SLC44A5: variants seen among roughly 807,000 people sequenced by gnomAD.
SLC44A5 encodes the protein choline transporter-like protein 5.
SLC44A5 carries 57 observed loss-of-function variants against 101.8 expected under a neutral mutation model. That is an observed-to-expected ratio of 0.56 (90% CI 0.45 to 0.70). The LOEUF is 0.70. Among genes scored for constraint, SLC44A5 ranks in the 30% least tolerant of loss-of-function variants. The pLI is 0.00. For missense variants in SLC44A5, 737 were observed against 853.1 expected, an observed-to-expected ratio of 0.86 and a Z score of 1.70; for synonymous variants, 281 against 290.9, an observed-to-expected ratio of 0.97 and a Z score of 0.35.
intron 2 of SLC44A5, among the ~76,000 whole-genome samples, chr1:75,478,054 C>T (rs1354829278): frequency 2.6e-5 from 4 of 152,246 alleles, no homozygotes; most frequent in South Asian, 2.1e-4. Context: ...AGCGGATCTC[C>T]CGGCAGAAAC....
intron 3 of SLC44A5, among the ~76,000 whole-genome samples, chr1:75,388,158 A>G (rs1661514155): frequency 6.8e-6 from 1 of 146,632 alleles, no homozygotes; most frequent in Admixed American, 6.8e-5. Flanking sequence ...ACATGTATAC[A>G]TATGTAACTA....
intron 4 of SLC44A5, among the ~76,000 whole-genome samples, chr1:75,324,408 A>G (rs1345972073): frequency 6.6e-6 from 1 of 152,186 alleles, no homozygotes; most frequent in African/African-American, 2.4e-5. Context: ...ATTGCAAGCA[A>G]AGGAGGATGA....
At chr1:75,423,967 T>C (rs1490797688) in intron 2 of SLC44A5, among the ~76,000 whole-genome samples, 5 of 152,246 alleles carry the variant, frequency 3.3e-5, no homozygotes, top group Non-Finnish European at 5.9e-5. Context: ...GATGCCCCTA[T>C]GCCTCCGGAG....
At chr1:75,478,524 A>T (rs1667592018) in intron 2 of SLC44A5, among the ~76,000 whole-genome samples, 1 of 152,140 alleles carries the variant, frequency 6.6e-6, no homozygotes, top group African/African-American at 2.4e-5. Flanking sequence ...ATGCAGAGAC[A>T]CACATAGGCT....
intron 3 of SLC44A5, among the ~76,000 whole-genome samples, chr1:75,362,319 C>A (rs546238340): frequency 6.6e-6 from 1 of 151,542 alleles, no homozygotes; most frequent in Non-Finnish European, 1.5e-5. Context: ...TATTTTCTTC[C>A]TTCTACTAAC....
upstream of SLC44A5, among the ~76,000 whole-genome samples, chr1:75,614,957 G>C (rs369522929): frequency 2.8e-4 from 42 of 152,146 alleles, no homozygotes; most frequent in South Asian, 8.7e-3. Context: ...TCCGCGCTGC[G>C]GGAGCGGGTG....
At chr1:75,235,669 C>T (rs1648010383) in intron 11 of SLC44A5, among the ~76,000 whole-genome samples, 1 of 151,992 alleles carries the variant, frequency 6.6e-6, no homozygotes, top group Non-Finnish European at 1.5e-5. Flanking sequence ...ACACCACACA[C>T]TAGTATCTCA....
chr1:75,557,829 T>C (rs766361354), intron 1 of SLC44A5, among the ~76,000 whole-genome samples: 51 of 152,150 alleles, frequency 3.4e-4, no homozygotes, highest in Admixed American at 8.5e-4. Flanking sequence ...TAAAATATTA[T>C]GTGAGTGTTA....
rs529469469 is a variant in SLC44A5, at chr1:75,470,775, G to A, written c.13+70660C>T. Among the ~76,000 whole-genome samples the A allele has an allele frequency of 6.3e-4, 96 of 152,200 alleles. 1 individual carries two copies. The South Asian group carries it at 7.1e-3, about 11-fold the overall frequency. On this transcript the variant is annotated intron_variant, in intron 2 of 23. Coordinates refer to ENST00000370859, the MANE Select transcript of SLC44A5 (RefSeq NM_001130058.2). The stretch of plus-strand genomic sequence containing the variant: ...CTGAGATAAGTATGGTGGGAGGGTT[G>A]GGAGGGGCTGTCCAGGTGGAGAGAT...
In SLC44A5 at chr1:75,308,701, T is replaced by G. The variant is rs953291512; in HGVS notation, c.102-8016A>C. Among the ~76,000 whole-genome samples, 7 of 152,192 alleles carry G rather than the reference T, an allele frequency of 4.6e-5. No homozygotes were observed. In the East Asian group the frequency reaches 1.2e-3, roughly 25 times the overall value. ...TTAGTCCAAAGTCATCAACAAAGGT[T>G]GAAGGGAATTCATATCTGTTTGGAA... On this transcript the variant is annotated intron_variant, in intron 4 of 23. Coordinates refer to ENST00000370859, the MANE Select transcript of SLC44A5 (RefSeq NM_001130058.2).
intron 2 of SLC44A5, among the ~76,000 whole-genome samples, chr1:75,454,113 C>T (rs1666055022): frequency 1.3e-5 from 2 of 152,016 alleles, no homozygotes; most frequent in Admixed American, 1.3e-4. Context: ...AACTATAGGC[C>T]AATATTCCTG....
At chr1:75,615,432 TACATACACACACAC>T (rs1675833838), upstream of SLC44A5, among the ~76,000 whole-genome samples, 7 of 77,058 alleles carry the variant, frequency 9.1e-5, no homozygotes, top group Admixed American at 3.7e-4. Context: ...CACACACACA[TACATACACACACAC>T]ACACACACAC....
At chr1:75,371,041 G>A (rs1285437964) in intron 3 of SLC44A5, among the ~76,000 whole-genome samples, 1 of 152,134 alleles carries the variant, frequency 6.6e-6, no homozygotes, top group Non-Finnish European at 1.5e-5. Flanking sequence ...AAACTCCTCA[G>A]TTTTCCTGTT....
intron 1 of SLC44A5, among the ~76,000 whole-genome samples, chr1:75,589,197 A>G (rs1674200462): frequency 7.6e-6 from 1 of 132,186 alleles, no homozygotes; most frequent in African/African-American, 2.7e-5. Context: ...AACAGAGCTA[A>G]TTCCATAACA....
intron 6 of SLC44A5, among the ~76,000 whole-genome samples, chr1:75,273,773 G>A (rs185484832): frequency 6.6e-6 from 1 of 152,178 alleles, no homozygotes; most frequent in Admixed American, 6.6e-5. Flanking sequence ...GTTGGATTCA[G>A]TTAGCTAGTA....
At chr1:75,229,144 TA>T (rs997507577) in intron 12 of SLC44A5, among the ~76,000 whole-genome samples, 1 of 151,984 alleles carries the variant, frequency 6.6e-6, no homozygotes, top group Non-Finnish European at 1.5e-5. Context: ...ATTATACAAA[TA>T]AAAGCATGTA....
chr1:75,612,473 T>C (rs931142524), upstream of SLC44A5, among the ~76,000 whole-genome samples: 6 of 152,212 alleles, frequency 3.9e-5, no homozygotes, highest in African/African-American at 1.4e-4. Flanking sequence ...TGCAAATTAC[T>C]CTTCATCACT....
intron 3 of SLC44A5, among the ~76,000 whole-genome samples, chr1:75,340,607 T>C (rs970061885): frequency 3.3e-5 from 5 of 152,244 alleles, no homozygotes; most frequent in Non-Finnish European, 5.9e-5. Context: ...GTCTACTTTA[T>C]CTGAGAACTG....
chr1:75,321,419 A>G (rs1203260969), intron 4 of SLC44A5, among the ~76,000 whole-genome samples: 3 of 151,914 alleles, frequency 2.0e-5, no homozygotes, highest in Non-Finnish European at 4.4e-5. Flanking sequence ...TGATTTCTAG[A>G]TGAATGCCTT....
Sources: allele counts gnomAD v4.1 joint callset (sites outside exome capture counted in the v4.1 genomes callset), GRCh38; gene constraint gnomAD v4.1.1; transcripts MANE v1.5; gene names NCBI Gene and HGNC (gene_info 2026-07-23, HGNC 2026-07-21).